DYM: variants seen among roughly 807,000 people sequenced by gnomAD.
DYM encodes the protein dymeclin, also known as dyggve-Melchior-Clausen syndrome protein.
In DYM, 78 loss-of-function variants were observed where a neutral mutation model predicts 93.1. That is an observed-to-expected ratio of 0.84 (90% CI 0.70 to 1.01). DYM has a LOEUF of 1.01. Among genes scored for constraint, DYM ranks in the 50% least tolerant of loss-of-function variants. DYM has a pLI of 0.00. For missense variants in DYM, 789 were observed against 845.0 expected (o/e 0.93, Z 0.82); for synonymous variants, 321 against 319.7 (o/e 1.00, Z -0.04).
chr18:49,148,899 T>G (rs997089836), intron 15 of DYM, among the ~76,000 whole-genome samples: 1 of 152,324 alleles, frequency 6.6e-6, no homozygotes, highest in Admixed American at 6.5e-5. Context: ...GTGGTGCTTT[T>G]GGGATGACTC....
At chr18:49,240,203 G>C (rs894858380) in intron 13 of DYM, among the ~76,000 whole-genome samples, 1 of 152,256 alleles carries the variant, frequency 6.6e-6, no homozygotes, top group African/African-American at 2.4e-5. Flanking sequence ...CTGTAATACA[G>C]ACATGCTCAC....
intron 8 of DYM, among the ~76,000 whole-genome samples, chr18:49,329,341 G>A (rs904947888): frequency 6.6e-6 from 1 of 151,326 alleles, no homozygotes; most frequent in African/African-American, 2.4e-5. Flanking sequence ...TGTAAATGAC[G>A]AGTTAACAGG....
rs59054000 is a variant in DYM at position 49,343,951 on chromosome 18, TA to T, written c.495-10099del. 6.9e-3 allele frequency among the ~76,000 whole-genome samples: 937 copies of T among 135,208 alleles called. 4 individuals are homozygous for T. The highest frequency in any genetic ancestry group is 0.014 in the African/African-American group (514 of 36,884). 88.7% of individuals were successfully genotyped at this position (135,208 alleles called of 152,430 possible). A position where few individuals can be genotyped will look rare whatever the true frequency, so the allele number is the denominator to read the frequency against. ...ACAAGACCCCACCTCTACACCACAT[TA>T]AAAAAAAAAAAAAAATCACTAGACT... On this transcript the variant is annotated intron_variant, in intron 6 of 17. Coordinates refer to ENST00000675505, the MANE Select transcript of DYM (RefSeq NM_001353214.3).
chr18:49,295,362 T>C (rs142017020), intron 8 of DYM, among the ~76,000 whole-genome samples: 437 of 152,324 alleles, frequency 2.9e-3, no homozygotes, highest in African/African-American at 1.0e-2. Flanking sequence ...CCAGTCTTTC[T>C]TGAAGCAACA....
At chr18:49,285,275 C>T (rs937022762) in intron 9 of DYM, among the ~76,000 whole-genome samples, 6 of 152,178 alleles carry the variant, frequency 3.9e-5, no homozygotes, top group Non-Finnish European at 8.8e-5. Flanking sequence ...CATTTAGCCA[C>T]GTCTATAAGA....
At chr18:49,279,974 C>T (rs527853536) in intron 10 of DYM, among the ~76,000 whole-genome samples, 1 of 152,226 alleles carries the variant, frequency 6.6e-6, no homozygotes, top group Admixed American at 6.5e-5. Context: ...AAAATGGTAA[C>T]CAAATACTGG....
intron 16 of DYM, among the ~76,000 whole-genome samples, chr18:49,099,777 T>C (rs1368346604): frequency 6.6e-6 from 1 of 152,162 alleles, no homozygotes; most frequent in Non-Finnish European, 1.5e-5. Context: ...ATTAAATCCA[T>C]AGTGCCTAAA....
At chr18:49,095,281 G>A (rs531265795) in intron 17 of DYM, among the ~76,000 whole-genome samples, 150 of 152,170 alleles carry the variant, frequency 9.9e-4, no homozygotes, top group African/African-American at 3.3e-3. Context: ...CCAAAAAGAT[G>A]ATTAAAATAA....
At chr18:49,370,603 T>C (rs922287284) in intron 5 of DYM, among the ~76,000 whole-genome samples, 1 of 151,882 alleles carries the variant, frequency 6.6e-6, no homozygotes. Flanking sequence ...CCATCTCTAC[T>C]AGAAATATAA....
chr18:49,290,100 T>G (rs559309083), intron 8 of DYM, among the ~76,000 whole-genome samples: 1 of 151,390 alleles, frequency 6.6e-6, no homozygotes, highest in South Asian at 2.1e-4. Flanking sequence ...AATACTTGAA[T>G]AGGCACACAA....
At chr18:49,079,000 G>T (rs573647063) in intron 17 of DYM, among the ~76,000 whole-genome samples, 97 of 152,246 alleles carry the variant, frequency 6.4e-4, no homozygotes, top group Admixed American at 9.2e-4. Flanking sequence ...TTTTTCTCTT[G>T]GTTTTTGTCA....
chr18:49,120,223 A>AAAATGG (rs2082268799), intron 15 of DYM, among the ~76,000 whole-genome samples: 1 of 152,218 alleles, frequency 6.6e-6, no homozygotes, highest in Admixed American at 6.5e-5. Context: ...AACAGAAAGT[A>AAAATGG]AAATGGTAGT....
At position 49,353,054 on chromosome 18, in the gene DYM, C is replaced by T. The variant is rs1004355379; in HGVS notation, c.494+10107G>A. Among the ~76,000 whole-genome samples, 4 of 152,006 alleles carry T rather than the reference C, an allele frequency of 2.6e-5. No homozygotes were observed. In the East Asian group the frequency reaches 7.7e-4, roughly 29 times the overall value. On this transcript the variant is annotated intron_variant, in intron 6 of 17. Coordinates refer to ENST00000675505, the MANE Select transcript of DYM (RefSeq NM_001353214.3). ...AACAAAAAAGTTTCCAAATTCCTCC[C>T]TAGTCAGGTCTTCATAGAGTAGTTT...
chr18:49,335,228 C>A (rs1225662952), intron 6 of DYM, among the ~76,000 whole-genome samples: 1 of 152,236 alleles, frequency 6.6e-6, no homozygotes, highest in Non-Finnish European at 1.5e-5. Flanking sequence ...CAGCTCTACT[C>A]AGAAATCTGA....
chr18:49,113,342 T>G (rs1041986953), intron 16 of DYM, among the ~76,000 whole-genome samples: 2 of 152,196 alleles, frequency 1.3e-5, no homozygotes, highest in African/African-American at 4.8e-5. Context: ...TCTCTCTTGT[T>G]TGGTGTTATA....
At chr18:49,457,144 C>T (rs536688947) in intron 1 of DYM, among the ~76,000 whole-genome samples, 4 of 152,330 alleles carry the variant, frequency 2.6e-5, no homozygotes, top group African/African-American at 9.6e-5. Context: ...GAAGAGGCTG[C>T]TTCAAGTCCA....
intron 15 of DYM, among the ~76,000 whole-genome samples, chr18:49,158,332 C>T (rs2086672378): frequency 6.6e-6 from 1 of 152,064 alleles, no homozygotes; most frequent in Admixed American, 6.6e-5. Flanking sequence ...CCTCTTATAC[C>T]ATGGTAAAGT....
chr18:49,046,157 C>T (rs1367037280), intron 17 of DYM, among the ~76,000 whole-genome samples: 7 of 142,156 alleles, frequency 4.9e-5, no homozygotes, highest in Non-Finnish European at 1.1e-4. Context: ...ACAGACACAC[C>T]GAGGCACGCA....
intron 17 of DYM, among the ~76,000 whole-genome samples, chr18:49,066,221 T>G (rs970468903): frequency 6.6e-6 from 1 of 151,924 alleles, no homozygotes; most frequent in African/African-American, 2.4e-5. Flanking sequence ...ATCAGGGAAC[T>G]CTCTCCCATC....
Sources: allele counts gnomAD v4.1 joint callset (sites outside exome capture counted in the v4.1 genomes callset), GRCh38; gene constraint gnomAD v4.1.1; transcripts MANE v1.5; gene names NCBI Gene and HGNC (gene_info 2026-07-23, HGNC 2026-07-21).